RSF1: variants seen among roughly 807,000 people sequenced by gnomAD.
RSF1 encodes HBV pX-associated protein 8.
RSF1 carries 13 observed loss-of-function variants against 145.2 expected under a neutral mutation model. That is an observed-to-expected ratio of 0.09 (90% CI 0.06 to 0.14). RSF1 has a LOEUF of 0.14. Among genes scored for constraint, RSF1 ranks in the 10% least tolerant of loss-of-function variants. The pLI is 1.00. For synonymous variants in RSF1, 577 were observed against 592.6 expected, an observed-to-expected ratio of 0.97 and a Z score of 0.38; for missense variants, 1,517 against 1,718.2, an observed-to-expected ratio of 0.88 and a Z score of 2.07.
Position 77,820,595 on chromosome 11 carries a change from AG to A in RSF1, c.119del (p.Pro40LeufsTer33). On this transcript the variant is annotated frameshift_variant, in exon 1 of 16. Transcript: ENST00000308488. LOFTEE classifies it high-confidence loss of function. ...LERYGPLLDL[P>X]ELPFPELERV... ...GCTCCAGCTCAGGGAACGGCAACTC[AG>A]GCAGGTCTAGCAGCGGCCCGTAGCG... 6.4e-7 allele frequency: 1 copy of A among 1,566,254 alleles called. No homozygotes were observed. The highest frequency in any genetic ancestry group is 8.6e-7 in the Non-Finnish European group (1 of 1,157,156).
At chr11:77,757,690 A>AAAAAAAG (rs1220628730) in intron 2 of RSF1, among the ~76,000 whole-genome samples, 1 of 152,306 alleles carries the variant, frequency 6.6e-6, no homozygotes, top group Non-Finnish European at 1.5e-5. Flanking sequence ...AAAAGAAGAA[A>AAAAAAAG]AAAAAAGAAA....
chr11:77,702,483 T>C lies in RSF1; in HGVS notation c.746A>G (p.Glu249Gly). 6.5e-7 allele frequency: 1 copy of C among 1,539,754 alleles called. No individual in the cohort carries two copies. The highest frequency in any genetic ancestry group is 2.4e-5 in the Admixed American group (1 of 41,706). ...EETPKQEEQK[E>G]SEKMKSEEQP... Reference sequence around the variant, plus strand: ...CTCCTCACTTTTCATCTTTTCACTTTCTTTCTGTTCCTCTAAAAATCAGAA... The same window carrying C: ...CTCCTCACTTTTCATCTTTTCACTTCCTTTCTGTTCCTCTAAAAATCAGAA... The change falls in exon 6 of 16, where the codon GAA becomes GGA. Residue 249 changes from glutamate (E) to glycine (G), a missense_variant. Glu to Gly is a moderately conservative substitution (Grantham distance 98). Around this residue, in one of 12 missense-constraint regions of RSF1, gnomAD observed 207 missense variants for 191.4 expected, o/e 1.08. Transcript: ENST00000308488.
the RSF1 span, among the ~76,000 whole-genome samples, chr11:77,868,290 C>T: frequency 1.3e-5 from 2 of 151,132 alleles, no homozygotes; most frequent in Non-Finnish European, 2.9e-5. Context: ...CTCCTGACCT[C>T]GTGATCCACC....
chr11:77,701,594 C>T lies in RSF1; in HGVS notation c.1635G>A (p.Glu545=). 1 of 1,614,132 alleles carries T rather than the reference C, an allele frequency of 6.2e-7. No individual in the cohort carries two copies. Among genetic ancestry groups the T allele is most frequent in the Non-Finnish European group, 8.5e-7 (1 of 1,180,004 alleles). ...TTTTTGAAGAGAGATCTTTTGCCAT[C>T]TCAGAAGAATCAAGAGAAGTTTCCA... The part of the protein sequence containing the change: ...PEMETSLDSS[E]MAKDLSSKTA... The change falls in exon 6 of 16, where the codon GAG becomes GAA. Residue 545 remains glutamate (E), a synonymous_variant. Transcript: ENST00000308488.
rs764495351 is a variant in RSF1, at chr11:77,702,243, C to T, written c.986G>A (p.Cys329Tyr). The part of the protein sequence containing the change: ...VKPIKVEVKE[C>Y]RADPKDTKSS... ...TTTGGTATCTTTAGGATCTGCTCTA[C>T]ATTCCTTCACCTCAACTTTAATGGG... The change falls in exon 6 of 16, where the codon TGT (cysteine) becomes TAT (tyrosine). Residue 329 changes from cysteine (C) to tyrosine (Y), a missense_variant. By Grantham distance (194) the Cys-to-Tyr change is radical (BLOSUM62 -2). Coordinates refer to ENST00000308488, the MANE Select transcript of RSF1 (RefSeq NM_016578.4). 5 of 1,612,900 alleles carry T rather than the reference C, an allele frequency of 3.1e-6. No individual in the cohort carries two copies. The highest frequency in any genetic ancestry group is 3.3e-5 in the Admixed American group (2 of 59,824).
intron 1 of RSF1, among the ~76,000 whole-genome samples, chr11:77,807,172 T>A (rs1948685735): frequency 2.0e-5 from 3 of 152,216 alleles, no homozygotes; most frequent in African/African-American, 7.2e-5. Flanking sequence ...ACCTAATGTA[T>A]ACAGTTAGGT....
chr11:77,845,455 G>A, the RSF1 span, among the ~76,000 whole-genome samples: 1 of 151,514 alleles, frequency 6.6e-6, no homozygotes, highest in Non-Finnish European at 1.5e-5. Context: ...GGGGGGGATA[G>A]ACTATTGCTC....
intron 1 of RSF1, among the ~76,000 whole-genome samples, chr11:77,774,864 T>G (rs1156836850): frequency 6.7e-6 from 1 of 149,956 alleles, no homozygotes; most frequent in Non-Finnish European, 1.5e-5. Flanking sequence ...CTTCCCGGGT[T>G]CCAGTGATTC....
At position 77,737,621 on chromosome 11, in the gene RSF1, GGTGTGTGT is replaced by G. The variant is rs1170824350; in HGVS notation, c.578+3102_578+3109del. Among the ~76,000 whole-genome samples the G allele has an allele frequency of 2.2e-3, 210 of 93,546 alleles. 1 individual carries two copies. The highest frequency in any genetic ancestry group is 0.015 in the Middle Eastern group (3 of 196). 61.4% of individuals were successfully genotyped at this position (93,546 alleles called of 152,430 possible). A position where few individuals can be genotyped will look rare whatever the true frequency, so the allele number is the denominator to read the frequency against. On this transcript the variant is annotated intron_variant, in intron 4 of 15. Transcript: ENST00000308488. ...GAAAGAAGTTTTATGTGTTTTGGGGGGTGTGTGTGTGTGTGTGTGTGTGTGTGTGTGTG... is the reference window on the plus strand; with the variant it reads ...GAAAGAAGTTTTATGTGTTTTGGGGGGTGTGTGTGTGTGTGTGTGTGTGTG...
At position 77,747,073 on chromosome 11, in the gene RSF1, A is replaced by C; in HGVS notation, c.335T>G (p.Leu112Arg). ...TAGTTTGCATTCAACACTCATTTCA[A>C]GATAGCCCTTCTTCTCCATCTCCCA... ...WAWEMEKKGY[L>R]EMSVECKLAL... Residue 112 changes from leucine to arginine, a missense_variant, in exon 3 of 16, where the codon CTT becomes CGT. Leu to Arg is a moderately radical substitution (Grantham distance 102, BLOSUM62 -2). Transcript: ENST00000308488. The C allele has an allele frequency of 1.9e-6, 3 of 1,611,148 alleles. No individual in the cohort carries two copies. The highest frequency in any genetic ancestry group is 2.5e-6 in the Non-Finnish European group (3 of 1,177,512).
At chr11:77,778,862 A>G (rs1333400639) in intron 1 of RSF1, among the ~76,000 whole-genome samples, 1 of 152,142 alleles carries the variant, frequency 6.6e-6, no homozygotes, top group African/African-American at 2.4e-5. Flanking sequence ...TCTATCCCTG[A>G]AAGCTAGTTA....
At chr11:77,782,121 A>T (rs1041199296) in intron 1 of RSF1, among the ~76,000 whole-genome samples, 1 of 152,178 alleles carries the variant, frequency 6.6e-6, no homozygotes, top group African/African-American at 2.4e-5. Flanking sequence ...TATAGACAGC[A>T]TATACCTGGG....
intron 4 of RSF1, among the ~76,000 whole-genome samples, chr11:77,726,857 G>A (rs1014750237): frequency 2.6e-5 from 4 of 152,116 alleles, no homozygotes; most frequent in Non-Finnish European, 5.9e-5. Context: ...TAGGAACTCT[G>A]CATTCCAAAG....
the RSF1 span, among the ~76,000 whole-genome samples, chr11:77,852,148 A>G: frequency 6.9e-6 from 1 of 144,026 alleles, no homozygotes; most frequent in East Asian, 2.2e-4. Context: ...ACGAGATGGG[A>G]GGATCACTTG....
At chr11:77,673,157 C>A (rs1347597375) in intron 14 of RSF1, among the ~76,000 whole-genome samples, 1 of 152,172 alleles carries the variant, frequency 6.6e-6, no homozygotes, top group Non-Finnish European at 1.5e-5. Context: ...AGAGGTTATG[C>A]CCTCTAACCA....
chr11:77,701,637 T>C lies in RSF1; in HGVS notation c.1592A>G (p.Glu531Gly). Residue 531 changes from glutamate (E) to glycine (G), a missense_variant, in exon 6 of 16, where the codon GAA becomes GGA. By Grantham distance (98) the Glu-to-Gly change is moderately conservative (BLOSUM62 -2). Transcript: ENST00000308488. ...EIHSQKAQIE[E>G]PDPPEMETSL... Reference sequence around the variant, plus strand: ...AGTTTCCATTTCTGGAGGATCGGGTTCCTCTATTTGTGCTTTTTGACTATG... The same window carrying C: ...AGTTTCCATTTCTGGAGGATCGGGTCCCTCTATTTGTGCTTTTTGACTATG... 1 of 1,614,128 alleles carries C rather than the reference T, an allele frequency of 6.2e-7. No individual in the cohort carries two copies. The highest frequency in any genetic ancestry group is 8.5e-7 in the Non-Finnish European group (1 of 1,180,012).
At chr11:77,834,248 T>A in the RSF1 span, among the ~76,000 whole-genome samples, 2,592 of 152,232 alleles carry the variant, frequency 0.017, 45 homozygotes, top group Non-Finnish European at 0.029. Context: ...AGGGAAGCAA[T>A]GGTTGCATTC....
intron 15 of RSF1, among the ~76,000 whole-genome samples, chr11:77,669,596 A>C (rs752330573): frequency 3.3e-5 from 5 of 152,264 alleles, no homozygotes; most frequent in Non-Finnish European, 7.3e-5. Context: ...TTCCATGGTC[A>C]CACTAGCCAC....
chr11:77,799,625 C>T (rs749445066), intron 1 of RSF1, among the ~76,000 whole-genome samples: 9 of 152,086 alleles, frequency 5.9e-5, no homozygotes, highest in Admixed American at 3.9e-4. Context: ...AATTTCACCA[C>T]CCCAATCTCG....
Sources: allele counts gnomAD v4.1 joint callset (sites outside exome capture counted in the v4.1 genomes callset), GRCh38; gene constraint gnomAD v4.1.1; regional missense constraint gnomAD v4.1.1; transcripts MANE v1.5; gene names NCBI Gene and HGNC (gene_info 2026-07-23, HGNC 2026-07-21).